ATP7B: variants seen among roughly 807,000 people sequenced by gnomAD.
ATP7B encodes the protein copper-transporting ATPase 2.
ATP7B carries 113 observed loss-of-function variants against 118.9 expected under a neutral mutation model. That is an observed-to-expected ratio of 0.95 (90% CI 0.82 to 1.11). The LOEUF (loss-of-function observed/expected upper bound fraction) is 1.11, where lower values mean the gene tolerates loss of function less well. Ranked by LOEUF, ATP7B falls within the 50% of genes most tolerant of loss-of-function variation. The pLI is 0.00. For missense variants in ATP7B, 1,867 were observed against 1,871.4 expected (o/e 1.00, Z 0.04); for synonymous variants, 777 against 727.4 (o/e 1.07, Z -1.10).
At position 51,970,599 on chromosome 13, in the gene ATP7B, G is replaced by T. The variant is rs983827093; in HGVS notation, c.1436C>A (p.Pro479Gln). Residue 479 changes from proline to glutamine, a missense_variant, in exon 3 of 21, where the codon CCA becomes CAA. By Grantham distance (76) the Pro-to-Gln change is moderately conservative (BLOSUM62 -1). Coordinates refer to ENST00000242839, the MANE Select transcript of ATP7B (RefSeq NM_000053.4). Reference protein sequence around the residue: ...NHAPDILAKSPQSTRAVAPQK... With the variant: ...NHAPDILAKSQQSTRAVAPQK... ...CGGTGCCACTGCTCTGGTTGATTGT[G>T]GGGACTTTGCCAAGATGTCCGGGGC... is the stretch of plus-strand genomic sequence containing the variant. The T allele has an allele frequency of 3.1e-6, 5 of 1,613,984 alleles. No homozygotes were observed. In the African/African-American group the frequency reaches 6.7e-5, roughly 22 times the overall value.
intron 1 of ATP7B, among the ~76,000 whole-genome samples, chr13:52,005,404 T>C (rs894291776): frequency 5.9e-5 from 9 of 152,200 alleles, no homozygotes; most frequent in African/African-American, 1.4e-4. Flanking sequence ...TCATCATCTA[T>C]CCTCCACAAA....
intron 12 of ATP7B, among the ~76,000 whole-genome samples, chr13:51,946,863 A>G (rs527813369): frequency 2.0e-5 from 3 of 152,374 alleles, no homozygotes; most frequent in Admixed American, 2.0e-4. Context: ...ACACATATAA[A>G]CATATAAATA....
Position 51,958,296 on chromosome 13 carries a change from T to C in ATP7B, c.2355+15A>G, listed in dbSNP as rs1958485139. 1 of 1,613,008 alleles carries C rather than the reference T, an allele frequency of 6.2e-7. No individual in the cohort carries two copies. Among genetic ancestry groups the C allele is most frequent in the Non-Finnish European group, 8.5e-7 (1 of 1,178,946 alleles). ...TGAAGGAGCAGCTCTTTTCTGAACC[T>C]GAAGCTGCTGTTACCTTTGCCAAGT... On this transcript the variant is annotated intron_variant, in intron 8 of 20. Transcript: ENST00000242839.
chr13:51,957,459 C>G (rs1374919408), intron 9 of ATP7B, 57 bp downstream of exon 9: 2 of 1,519,822 alleles, frequency 1.3e-6, no homozygotes, highest in Non-Finnish European at 1.8e-6. Flanking sequence ...GCATCTGATG[C>G]AGCTCACACA....
At chr13:51,953,863 A>AAAAAAAAAAAAAAAAAAAAAAAAAAG (rs1862915869) in intron 9 of ATP7B, among the ~76,000 whole-genome samples, 1 of 151,186 alleles carries the variant, frequency 6.6e-6, no homozygotes, top group African/African-American at 2.4e-5. Flanking sequence ...AAAAAAAAAA[A>AAAAAAAAAAAAAAAAAAAAAAAAAAG]AAAAACCAGA....
At chr13:51,958,705 A>T (rs1042119535) in intron 7 of ATP7B, 161 bp from the exon 8 acceptor site, 2 of 696,460 alleles carry the variant, frequency 2.9e-6, no homozygotes, top group Non-Finnish European at 5.1e-6. Flanking sequence ...ATACTTTCCC[A>T]TTCAGAGGAC....
Position 51,934,964 on chromosome 13 carries a change from G to T in ATP7B, c.4190C>A (p.Ala1397Glu). 6.2e-7 allele frequency: 1 copy of T among 1,614,056 alleles called. No individual in the cohort carries two copies. The highest frequency in any genetic ancestry group is 8.5e-7 in the Non-Finnish European group (1 of 1,180,034). ...QAHGHMKPLT[A>E]SQVSVHIGMD... ...GCCTATGTGCACACTGACCTGGGAT[G>T]CCGTCAGGGGCTTCATGTGGCCATG... Residue 1397 changes from alanine to glutamate, a missense_variant, in exon 21 of 21, where the codon GCA (alanine) becomes GAA (glutamate). Transcript: ENST00000242839.
At chr13:51,943,966 C>T in intron 14 of ATP7B, 143 bp downstream of exon 14, 2 of 1,026,354 alleles carry the variant, frequency 1.9e-6, no homozygotes, top group Non-Finnish European at 2.8e-6. Context: ...AGCCCTATAT[C>T]TCCGCCTGCT....
intron 9 of ATP7B, among the ~76,000 whole-genome samples, chr13:51,954,039 G>C (rs940415485): frequency 5.3e-5 from 8 of 152,166 alleles, no homozygotes; most frequent in African/African-American, 1.7e-4. Context: ...CTGAGGCACA[G>C]AGTGTTCTGA....
In ATP7B at chr13:51,937,561, G is replaced by T. The variant is rs758355520; in HGVS notation, c.3818C>A (p.Pro1273Gln). Residue 1273 changes from proline (P) to glutamine (Q), a missense_variant, in exon 18 of 21, where the codon CCG becomes CAG. Coordinates refer to ENST00000242839, the MANE Select transcript of ATP7B (RefSeq NM_000053.4). ...AMVGDGVNDSPALAQADMGVA... is the reference protein window; with the variant it reads ...AMVGDGVNDSQALAQADMGVA... Reference sequence around the variant, plus strand: ...ACCCATGTCTGCCTGGGCCAAGGCCGGGGAGTCATTGACCCCATCCCCCAC... The same window carrying T: ...ACCCATGTCTGCCTGGGCCAAGGCCTGGGAGTCATTGACCCCATCCCCCAC... 1.2e-6 allele frequency: 2 copies of T among 1,614,200 alleles called. No homozygotes were observed. Among genetic ancestry groups the T allele is most frequent in the East Asian group, 4.5e-5 (2 of 44,886 alleles).
chr13:51,956,287 T>C (rs891407377), intron 9 of ATP7B, among the ~76,000 whole-genome samples: 1 of 152,176 alleles, frequency 6.6e-6, no homozygotes, highest in East Asian at 1.9e-4. Context: ...GCACCAGCCC[T>C]GCAGACCCCA....
At chr13:51,981,721 G>A (rs1952431683) in intron 1 of ATP7B, among the ~76,000 whole-genome samples, 1 of 152,108 alleles carries the variant, frequency 6.6e-6, no homozygotes, top group Admixed American at 6.6e-5. Context: ...TATACAGGGG[G>A]ATAAACGTAA....
chr13:51,985,087 C>G (rs1952592184), intron 1 of ATP7B, among the ~76,000 whole-genome samples: 1 of 152,146 alleles, frequency 6.6e-6, no homozygotes, highest in Admixed American at 6.5e-5. Context: ...TAAACGTAAA[C>G]AGGCTAAATG....
intron 4 of ATP7B, chr13:51,966,929 C>T: frequency 6.2e-7 from 1 of 1,612,816 alleles, no homozygotes; most frequent in South Asian, 1.1e-5. Flanking sequence ...TTGAAAACAA[C>T]ACAGTTTTCT....
At chr13:51,958,809 A>T in intron 7 of ATP7B, 1 of 492,016 alleles carries the variant, frequency 2.0e-6, no homozygotes, top group Non-Finnish European at 3.7e-6. Context: ...AATGGTGAAA[A>T]GTTGGGGAAA....
chr13:51,961,192 G>A (rs1197627795), intron 6 of ATP7B, among the ~76,000 whole-genome samples: 1 of 151,590 alleles, frequency 6.6e-6, no homozygotes, highest in Admixed American at 6.6e-5. Context: ...TCCAGAATCT[G>A]CCAGAGCCAT....
At chr13:51,955,423 A>G (rs1958274786) in intron 9 of ATP7B, among the ~76,000 whole-genome samples, 1 of 152,048 alleles carries the variant, frequency 6.6e-6, no homozygotes, top group Admixed American at 6.6e-5. Context: ...GGCAGAATGA[A>G]CTCTGGTCTT....
intron 1 of ATP7B, among the ~76,000 whole-genome samples, chr13:51,998,134 C>T (rs1953305821): frequency 6.6e-6 from 1 of 152,166 alleles, no homozygotes; most frequent in African/African-American, 2.4e-5. Flanking sequence ...CTGCTAGCAG[C>T]TCTCTCCCTT....
At chr13:51,949,969 G>C in intron 11 of ATP7B, 38 bp downstream of exon 11, 1 of 1,613,812 alleles carries the variant, frequency 6.2e-7, no homozygotes, top group Non-Finnish European at 8.5e-7. Context: ...TTTCTAAAAC[G>C]AGAAAGATGA....
Sources: gnomAD v4.1 joint callset for allele counts (sites outside exome capture counted in the v4.1 genomes callset) on GRCh38, gnomAD v4.1.1 for gene constraint, MANE v1.5 for transcripts, NCBI Gene and HGNC (gene_info 2026-07-23, HGNC 2026-07-21) for gene names.